The following AGT variants were observed in gnomAD, a reference collection of about 807,000 sequenced individuals.
The protein encoded by AGT is alpha-1 antiproteinase, antitrypsin.
AGT carries 26 observed loss-of-function variants against 28.1 expected under a neutral mutation model. The observed-to-expected ratio is 0.92, with a 90% CI of 0.68 to 1.28. AGT has a LOEUF of 1.28. Among genes scored for constraint, AGT ranks in the 50% most tolerant of loss-of-function variants. The pLI, the probability that AGT is intolerant of heterozygous loss-of-function variation, is 0.00. For missense variants in AGT, 596 were observed against 592.3 expected, an observed-to-expected ratio of 1.01 and a Z score of -0.06; for synonymous variants, 259 against 259.6, an observed-to-expected ratio of 1.00 and a Z score of 0.02.
intron 2 of AGT, 125 bp from the exon 3 acceptor site, chr1:230,706,325 C>T (rs1451522022): frequency 7.5e-6 from 8 of 1,066,600 alleles, no homozygotes; most frequent in South Asian, 3.2e-5. Flanking sequence ...CCTTGGCCCC[C>T]CCCAGGCCAC....
chr1:230,709,585 G>A (rs925280461), intron 2 of AGT, among the ~76,000 whole-genome samples: 4 of 152,126 alleles, frequency 2.6e-5, no homozygotes, highest in Non-Finnish European at 5.9e-5. Context: ...ATATGAACCT[G>A]ACCCTTCTGA....
At chr1:230,725,226 T>A (rs1273021144) in intron 1 of AGT, among the ~76,000 whole-genome samples, 1 of 152,244 alleles carries the variant, frequency 6.6e-6, no homozygotes, top group Non-Finnish European at 1.5e-5. Context: ...AGCAGCCACA[T>A]AAATCTGAGT....
upstream of AGT, among the ~76,000 whole-genome samples, chr1:230,717,526 T>A (rs1663761340): frequency 6.6e-6 from 1 of 152,204 alleles, no homozygotes; most frequent in Non-Finnish European, 1.5e-5. Flanking sequence ...TTCCATTTTT[T>A]GCCTCTGAGC....
In AGT at chr1:230,710,439, C is replaced by A. The variant is rs61762539; in HGVS notation, c.385G>T (p.Ala129Ser). The A allele has an allele frequency of 2.3e-4, 367 of 1,614,224 alleles. No individual in the cohort carries two copies. Among genetic ancestry groups the A allele is most frequent in the Middle Eastern group, 6.6e-4 (4 of 6,062 alleles). ...VHGATVLSPTAVFGTLASLYL... is the reference protein window; with the variant it reads ...VHGATVLSPTSVFGTLASLYL... ...AGAGAGGCCAGGGTGCCAAAGACAG[C>A]CGTTGGGGAGAGGACGGTGGCCCCA... Residue 129 changes from alanine to serine, a missense_variant, in exon 2 of 5, where the codon GCT (alanine) becomes TCT (serine). By Grantham distance (99) the Ala-to-Ser change is moderately conservative. Coordinates refer to ENST00000366667, the MANE Select transcript of AGT (RefSeq NM_001384479.1).
In AGT at chr1:230,706,160, C is replaced by T; in HGVS notation, c.870G>A (p.Glu290=). The T allele has an allele frequency of 6.2e-7, 1 of 1,613,952 alleles. No individual in the cohort carries two copies. The highest frequency in any genetic ancestry group is 1.1e-5 in the South Asian group (1 of 91,082). Residue 290 remains glutamate (E), a synonymous_variant, in exon 3 of 5, where the codon GAG becomes GAA. Coordinates refer to ENST00000366667, the MANE Select transcript of AGT (RefSeq NM_001384479.1). ...KGFSLLAEPQ[E]FWVDNSTSVS... ...CTGAGGTGCTGTTGTCCACCCAGAA[C>T]TCCTGGGGCTCGGCCAGCAGGGAGA...
intron 3 of AGT, among the ~76,000 whole-genome samples, chr1:230,704,856 G>A (rs1663336187): frequency 6.6e-6 from 1 of 152,176 alleles, no homozygotes; most frequent in African/African-American, 2.4e-5. Flanking sequence ...TTCCAGTGAT[G>A]TATCAAGCAC....
At chr1:230,708,451 G>C (rs1479338610) in intron 2 of AGT, among the ~76,000 whole-genome samples, 1 of 152,106 alleles carries the variant, frequency 6.6e-6, no homozygotes, top group African/African-American at 2.4e-5. Context: ...ACCCTCAACC[G>C]GGCAACCCTC....
At chr1:230,720,202 G>A (rs977693124) in intron 1 of AGT, among the ~76,000 whole-genome samples, 5 of 152,144 alleles carry the variant, frequency 3.3e-5, no homozygotes, top group Non-Finnish European at 7.4e-5. Flanking sequence ...AGCTCACTGT[G>A]TGCAAACTCC....
chr1:230,737,810 G>GCAA lies in AGT; in HGVS notation c.-31+7702_-31+7704dup, dbSNP rs955689105. On this transcript the variant is annotated intron_variant, in intron 1 of 4. Coordinates refer to the AGT transcript ENST00000681269. The stretch of plus-strand genomic sequence containing the variant: ...TGATTTTTAGCATATTTAGAGTTGT[G>GCAA]CAACCACCACCACAGTCAATTTTAG... 6.6e-5 allele frequency among the ~76,000 whole-genome samples: 10 copies of GCAA among 152,062 alleles called. No individual in the cohort carries two copies. The East Asian group carries it at 9.6e-4, about 15-fold the overall frequency.
chr1:230,714,678 C>A (rs1005977066), upstream of AGT, among the ~76,000 whole-genome samples: 5 of 152,178 alleles, frequency 3.3e-5, no homozygotes, highest in African/African-American at 7.2e-5. Context: ...GTGAAAAGTG[C>A]CTTCTGGAAG....
At chr1:230,745,402 C>G (rs1317967221) in intron 1 of AGT, among the ~76,000 whole-genome samples, 1 of 152,204 alleles carries the variant, frequency 6.6e-6, no homozygotes, top group Non-Finnish European at 1.5e-5. Context: ...GCATGGATAA[C>G]TCGCCCAAGA....
chr1:230,732,164 T>C (rs1244638407), intron 1 of AGT, among the ~76,000 whole-genome samples: 4 of 152,122 alleles, frequency 2.6e-5, no homozygotes, highest in African/African-American at 9.7e-5. Context: ...TGTTGTTTGT[T>C]TGTTTATTTG....
intron 1 of AGT, among the ~76,000 whole-genome samples, chr1:230,712,345 T>C (rs1663617828): frequency 6.6e-6 from 1 of 152,050 alleles, no homozygotes; most frequent in Non-Finnish European, 1.5e-5. Context: ...AAGTACCTGG[T>C]GTGTTTTGTT....
chr1:230,731,522 C>T (rs963716443), intron 1 of AGT, among the ~76,000 whole-genome samples: 5 of 152,332 alleles, frequency 3.3e-5, no homozygotes, highest in East Asian at 1.9e-4. Context: ...GGACCATGCA[C>T]CTCCTTGTCC....
At chr1:230,713,228 C>T (rs186509891) in intron 1 of AGT, among the ~76,000 whole-genome samples, 31 of 152,222 alleles carry the variant, frequency 2.0e-4, no homozygotes, top group African/African-American at 6.3e-4. Flanking sequence ...ACAGGGTTCC[C>T]GCTGTTGTGT....
intron 2 of AGT, among the ~76,000 whole-genome samples, chr1:230,709,698 C>CT (rs1313216737): frequency 6.6e-6 from 1 of 152,162 alleles, no homozygotes; most frequent in African/African-American, 2.4e-5. Context: ...CTCCGAGTCT[C>CT]TATTTCTTCA....
At chr1:230,717,537 C>T (rs944939348), upstream of AGT, among the ~76,000 whole-genome samples, 6 of 152,086 alleles carry the variant, frequency 3.9e-5, no homozygotes, top group Non-Finnish European at 8.8e-5. Flanking sequence ...GCCTCTGAGC[C>T]AAAACTAATT....
intron 1 of AGT, among the ~76,000 whole-genome samples, chr1:230,724,289 AGTT>A (rs1260786259): frequency 6.6e-6 from 1 of 152,234 alleles, no homozygotes; most frequent in East Asian, 1.9e-4. Flanking sequence ...ATGACAGAGG[AGTT>A]AGCTATAGAC....
At chr1:230,714,772 C>T (rs1184342355), upstream of AGT, among the ~76,000 whole-genome samples, 2 of 152,212 alleles carry the variant, frequency 1.3e-5, no homozygotes, top group African/African-American at 4.8e-5. Flanking sequence ...CTTCAGGATG[C>T]AGGCATTGAA....
Sources: allele counts gnomAD v4.1 joint callset (sites outside exome capture counted in the v4.1 genomes callset), GRCh38; gene constraint gnomAD v4.1.1; transcripts MANE v1.5; gene names NCBI Gene and HGNC (gene_info 2026-07-23, HGNC 2026-07-21).